The following ARRB1 variants were observed in gnomAD, a reference collection of about 807,000 sequenced individuals.
ARRB1 encodes the protein beta-arrestin-1.
In ARRB1, 21 loss-of-function variants were observed where a neutral mutation model predicts 56.8. The observed-to-expected ratio is 0.37, with a 90% CI of 0.26 to 0.53. The LOEUF is 0.53. ARRB1 is among the 20% of genes least tolerant of loss of function. The pLI, the probability that ARRB1 is intolerant of heterozygous loss-of-function variation, is 0.88. For missense variants in ARRB1, 424 were observed against 553.7 expected, an observed-to-expected ratio of 0.77 and a Z score of 2.35; for synonymous variants, 210 against 218.6, an observed-to-expected ratio of 0.96 and a Z score of 0.35.
At chr11:75,336,179 C>A (rs191758329) in intron 1 of ARRB1, among the ~76,000 whole-genome samples, 134 of 152,268 alleles carry the variant, frequency 8.8e-4, no homozygotes, top group Middle Eastern at 3.4e-3. Context: ...CTCCAGCTAC[C>A]AAGGCGGAAG....
chr11:75,329,130 G>A (rs1317759227), intron 1 of ARRB1, among the ~76,000 whole-genome samples: 2 of 118,188 alleles, frequency 1.7e-5, no homozygotes, highest in Non-Finnish European at 3.3e-5. Context: ...TTCTTGCTCT[G>A]TCACCCAGGC....
rs1416020458 is a variant in ARRB1 at position 75,324,584 on chromosome 11, C to A, written c.20+27004G>T. 2.0e-5 allele frequency among the ~76,000 whole-genome samples: 3 copies of A among 152,060 alleles called. 1 individual carries two copies. Among genetic ancestry groups the A allele is most frequent in the Admixed American group, 2.0e-4 (3 of 15,270 alleles). Reference sequence around the variant, plus strand: ...GCCCTCCCTGATCACCGTTGCCGAGCCCTGGAGGCCTGGGGAGTGTGCGTG... The same window carrying A: ...GCCCTCCCTGATCACCGTTGCCGAGACCTGGAGGCCTGGGGAGTGTGCGTG... On this transcript the variant is annotated intron_variant, in intron 1 of 15. Transcript: ENST00000420843.
In ARRB1 at chr11:75,277,455, G is replaced by T; in HGVS notation, c.619-7C>A. On this transcript the variant is annotated splice_region_variant and splice_polypyrimidine_tract_variant and intron_variant, in intron 8 of 15. Transcript: ENST00000420843. Reference sequence around the variant, plus strand: ...GTTCTCCATGGTAATAGATCTGGGGGGCATAAGAAGGGACGGGGTTGGCTG... The same window carrying T: ...GTTCTCCATGGTAATAGATCTGGGGTGCATAAGAAGGGACGGGGTTGGCTG... The T allele has an allele frequency of 6.2e-7, 1 of 1,613,558 alleles. No individual in the cohort carries two copies. The highest frequency in any genetic ancestry group is 8.5e-7 in the Non-Finnish European group (1 of 1,179,446).
intron 11 of ARRB1, among the ~76,000 whole-genome samples, chr11:75,273,289 T>G (rs1237200420): frequency 6.6e-6 from 1 of 152,174 alleles, no homozygotes; most frequent in African/African-American, 2.4e-5. Flanking sequence ...TGGATTCTGC[T>G]TCTCTCAGCA....
chr11:75,316,061 C>A (rs1591968281), intron 1 of ARRB1, among the ~76,000 whole-genome samples: 2 of 152,210 alleles, frequency 1.3e-5, no homozygotes, highest in African/African-American at 4.8e-5. Context: ...GGTGCCGTGG[C>A]TCATGCCTGT....
At chr11:75,325,788 C>T (rs927005804) in intron 1 of ARRB1, among the ~76,000 whole-genome samples, 2 of 152,204 alleles carry the variant, frequency 1.3e-5, no homozygotes, top group Non-Finnish European at 2.9e-5. Flanking sequence ...CACCCCCAGG[C>T]ATGCCCCAGC....
At chr11:75,342,461 G>A (rs1056473193) in intron 1 of ARRB1, among the ~76,000 whole-genome samples, 1 of 152,190 alleles carries the variant, frequency 6.6e-6, no homozygotes, top group Admixed American at 6.5e-5. Context: ...TTGCCCAGTG[G>A]GGAGCCGATG....
At chr11:75,324,354 G>GTGAA (rs1157998470) in intron 1 of ARRB1, among the ~76,000 whole-genome samples, 4 of 152,218 alleles carry the variant, frequency 2.6e-5, no homozygotes, top group South Asian at 2.1e-4. Flanking sequence ...GCACTTCCTG[G>GTGAA]TGAATGAATG....
At chr11:75,315,526 G>C (rs909137718) in intron 1 of ARRB1, among the ~76,000 whole-genome samples, 1 of 152,186 alleles carries the variant, frequency 6.6e-6, no homozygotes, top group African/African-American at 2.4e-5. Context: ...TAAGCACGGG[G>C]TCCCAGGCAG....
At chr11:75,327,592 TGTTTTTG>T (rs1947460855) in intron 1 of ARRB1, among the ~76,000 whole-genome samples, 1 of 91,034 alleles carries the variant, frequency 1.1e-5, no homozygotes, top group African/African-American at 5.8e-5. Context: ...TTTTGTTTTT[TGTTTTTG>T]TTTTTTTTTT....
At chr11:75,297,326 A>G (rs974464172) in intron 1 of ARRB1, among the ~76,000 whole-genome samples, 2 of 152,180 alleles carry the variant, frequency 1.3e-5, no homozygotes, top group African/African-American at 2.4e-5. Flanking sequence ...TTCAAAACTT[A>G]CCACAAAGCT....
At chr11:75,278,232 C>T (rs1676890) in intron 8 of ARRB1, among the ~76,000 whole-genome samples, 135,777 of 152,258 alleles carry the variant, frequency 0.89, 60,704 homozygotes, top group Admixed American at 0.92. Context: ...GTCGCCCTGA[C>T]GCTCAGTGTT....
intron 1 of ARRB1, among the ~76,000 whole-genome samples, chr11:75,301,142 CAA>C (rs1358825736): frequency 2.5e-4 from 20 of 78,518 alleles, no homozygotes; most frequent in Admixed American, 4.2e-4. Flanking sequence ...GACTCCATCT[CAA>C]AAAAAAAAAA....
At chr11:75,273,407 C>T (rs937852663) in intron 11 of ARRB1, among the ~76,000 whole-genome samples, 1 of 152,166 alleles carries the variant, frequency 6.6e-6, no homozygotes, top group African/African-American at 2.4e-5. Context: ...GGTGGTGCTT[C>T]AGCTGGGTCT....
At chr11:75,346,247 C>T (rs192353858) in intron 1 of ARRB1, among the ~76,000 whole-genome samples, 1 of 152,236 alleles carries the variant, frequency 6.6e-6, no homozygotes, top group Admixed American at 6.5e-5. Flanking sequence ...TCCTCCAAGT[C>T]CCCCACCTGA....
intron 1 of ARRB1, among the ~76,000 whole-genome samples, chr11:75,349,896 C>G (rs569555955): frequency 8.1e-4 from 123 of 152,374 alleles, no homozygotes; most frequent in African/African-American, 2.8e-3. Context: ...CATGAGGGGC[C>G]TGGCAGTGCC....
chr11:75,289,392 A>G (rs892146491), intron 2 of ARRB1, among the ~76,000 whole-genome samples: 46 of 152,110 alleles, frequency 3.0e-4, no homozygotes, highest in Admixed American at 1.7e-3. Context: ...ATGGCCCCGT[A>G]TCTCCCCTCT....
chr11:75,262,967 G>T lies in ARRB1; in HGVS notation c.*3196C>A, dbSNP rs1945831064. On this transcript the variant is annotated 3_prime_UTR_variant, in exon 16 of 16. Coordinates refer to ENST00000420843, the MANE Select transcript of ARRB1 (RefSeq NM_004041.5). ...GAACTCTTCCCCTGGGTGGAATGCT[G>T]AGGAGGTCCCGCTGGCTCTCTGCTC... is the stretch of plus-strand genomic sequence containing the variant. Among the ~76,000 whole-genome samples, 1 of 152,216 alleles carries T rather than the reference G, an allele frequency of 6.6e-6. No individual in the cohort carries two copies. The highest frequency in any genetic ancestry group is 2.4e-5 in the African/African-American group (1 of 41,448).
At chr11:75,293,319 G>A (rs534533950) in intron 1 of ARRB1, among the ~76,000 whole-genome samples, 66 of 152,256 alleles carry the variant, frequency 4.3e-4, no homozygotes, top group African/African-American at 1.5e-3. Flanking sequence ...GTCTCACCAA[G>A]GTGAAGCATG....
Sources: gnomAD v4.1 joint callset for allele counts (sites outside exome capture counted in the v4.1 genomes callset) on GRCh38, gnomAD v4.1.1 for gene constraint, MANE v1.5 for transcripts, NCBI Gene and HGNC (gene_info 2026-07-23, HGNC 2026-07-21) for gene names.